The following ACTR3C variants were observed in gnomAD, a reference collection of about 807,000 sequenced individuals.
The protein encoded by ACTR3C is actin related protein 3C.
ACTR3C carries 18 observed loss-of-function variants against 26.3 expected under a neutral mutation model. The observed-to-expected ratio is 0.68, with a 90% CI of 0.47 to 1.01. The LOEUF is 1.01. ACTR3C is among the 50% of genes least tolerant of loss of function. The pLI, the probability that ACTR3C is intolerant of heterozygous loss-of-function variation, is 0.00. For synonymous variants in ACTR3C, 55 were observed against 94.5 expected, an observed-to-expected ratio of 0.58 and a Z score of 2.42; for missense variants, 184 against 250.7, an observed-to-expected ratio of 0.73 and a Z score of 1.80.
chr7:150,038,189 C>G, the ACTR3C span, among the ~76,000 whole-genome samples: 51 of 139,128 alleles, frequency 3.7e-4, 2 homozygotes, highest in South Asian at 1.1e-3. Flanking sequence ...GCCCAAGAAT[C>G]AGCTTATTTG....
the ACTR3C span, among the ~76,000 whole-genome samples, chr7:150,208,394 T>C: frequency 2.6e-5 from 4 of 152,116 alleles, no homozygotes; most frequent in Non-Finnish European, 5.9e-5. Flanking sequence ...GGGGAAAGAA[T>C]AACCTGGAAG....
the ACTR3C span, among the ~76,000 whole-genome samples, chr7:150,166,233 T>C: frequency 6.6e-6 from 1 of 150,902 alleles, no homozygotes; most frequent in Non-Finnish European, 1.5e-5. Flanking sequence ...TAAAAATTGA[T>C]ATGTAATTGT....
chr7:149,892,844 C>A, the ACTR3C span, among the ~76,000 whole-genome samples: 1 of 147,520 alleles, frequency 6.8e-6, no homozygotes, highest in Non-Finnish European at 1.5e-5. Flanking sequence ...TTAAAATGTA[C>A]TTTTAGTCTT....
intron 1 of ACTR3C, among the ~76,000 whole-genome samples, chr7:150,305,019 T>C (rs1373855202): frequency 2.0e-5 from 3 of 152,120 alleles, no homozygotes; most frequent in African/African-American, 2.4e-5. Context: ...GGAGTTTGAT[T>C]GTTCTCAGGC....
chr7:150,173,047 G>A, the ACTR3C span, among the ~76,000 whole-genome samples: 2,435 of 149,612 alleles, frequency 0.016, 237 homozygotes, highest in African/African-American at 0.059. Flanking sequence ...CCAGGTGAAC[G>A]GTGCAAGCTG....
chr7:150,093,853 G>T, the ACTR3C span, among the ~76,000 whole-genome samples: 1 of 150,904 alleles, frequency 6.6e-6, no homozygotes, highest in Non-Finnish European at 1.5e-5. Context: ...TCACCTATAT[G>T]TGGGGTGACC....
the ACTR3C span, among the ~76,000 whole-genome samples, chr7:150,023,205 A>C: frequency 4.8e-5 from 7 of 144,646 alleles, no homozygotes; most frequent in Non-Finnish European, 7.7e-5. Flanking sequence ...ATCTATATAT[A>C]TCTCTATATC....
chr7:149,997,859 G>A, the ACTR3C span, among the ~76,000 whole-genome samples: 1 of 149,850 alleles, frequency 6.7e-6, no homozygotes, highest in African/African-American at 2.4e-5. Flanking sequence ...TGAGCAGATT[G>A]GCATGATTTA....
the ACTR3C span, among the ~76,000 whole-genome samples, chr7:149,997,993 G>C: frequency 6.6e-6 from 1 of 150,866 alleles, no homozygotes; most frequent in African/African-American, 2.4e-5. Context: ...GAAAGGTTAA[G>C]GGAGTATATA....
At chr7:150,322,454 T>G (rs1264512140) in intron 1 of ACTR3C, among the ~76,000 whole-genome samples, 1 of 152,182 alleles carries the variant, frequency 6.6e-6, no homozygotes. Context: ...TATGCACTAA[T>G]TATAATGCAT....
chr7:149,883,474 T>G, the ACTR3C span, among the ~76,000 whole-genome samples: 2 of 151,934 alleles, frequency 1.3e-5, no homozygotes, highest in East Asian at 3.9e-4. Context: ...CCATACCAAG[T>G]GGCAGAGCAG....
intron 6 of ACTR3C, among the ~76,000 whole-genome samples, chr7:150,266,088 G>A (rs1834016348): frequency 6.7e-6 from 1 of 148,348 alleles, no homozygotes; most frequent in African/African-American, 2.6e-5. Flanking sequence ...GTCCAGTGCA[G>A]GGTAAGACTG....
At chr7:150,112,592 C>A in the ACTR3C span, among the ~76,000 whole-genome samples, 17 of 152,182 alleles carry the variant, frequency 1.1e-4, no homozygotes, top group African/African-American at 4.1e-4. Context: ...CAAAAGGCGC[C>A]AGCTTCTTGT....
the ACTR3C span, among the ~76,000 whole-genome samples, chr7:150,037,136 CTG>C: frequency 1.2e-5 from 1 of 80,144 alleles, no homozygotes; most frequent in African/African-American, 4.6e-5. Flanking sequence ...CTCTCAGTCC[CTG>C]CCTCGTGGGG....
the ACTR3C span, among the ~76,000 whole-genome samples, chr7:150,069,183 G>A: frequency 6.6e-6 from 1 of 152,178 alleles, no homozygotes; most frequent in African/African-American, 2.4e-5. Flanking sequence ...TTAGTCACAG[G>A]TAATGCCAAA....
the ACTR3C span, among the ~76,000 whole-genome samples, chr7:150,042,317 C>T: frequency 2.1e-4 from 20 of 96,816 alleles, no homozygotes; most frequent in East Asian, 6.2e-4. Context: ...GGAAGAGGGA[C>T]TGGCTCTCAG....
At chr7:150,036,039 G>T in the ACTR3C span, among the ~76,000 whole-genome samples, 1 of 129,252 alleles carries the variant, frequency 7.7e-6, no homozygotes, top group African/African-American at 2.9e-5. Flanking sequence ...AGCAAAGGTG[G>T]GAAGAGGGGC....
At chr7:150,251,905 A>AATAT (rs1563146333) in intron 6 of ACTR3C, among the ~76,000 whole-genome samples, 2 of 152,336 alleles carry the variant, frequency 1.3e-5, no homozygotes, top group East Asian at 3.9e-4. Context: ...AATAAATATA[A>AATAT]AGCAAGGTTA....
chr7:150,112,823 G>A, the ACTR3C span, among the ~76,000 whole-genome samples: 1 of 152,064 alleles, frequency 6.6e-6, no homozygotes, highest in African/African-American at 2.4e-5. Flanking sequence ...CCCCAATTTA[G>A]CTCCTCCTGG....
Sources: allele counts gnomAD v4.1 joint callset (sites outside exome capture counted in the v4.1 genomes callset), GRCh38; gene constraint gnomAD v4.1.1; transcripts MANE v1.5; gene names NCBI Gene and HGNC (gene_info 2026-07-23, HGNC 2026-07-21).